The following CFAP44 variants were observed in gnomAD, a reference collection of about 807,000 sequenced individuals.
CFAP44 encodes cilia and flagella associated protein 44.
A neutral mutation model predicts 216.2 loss-of-function variants in CFAP44; 134 were observed. The ratio of observed to expected loss-of-function variants is 0.62; its 90% CI spans 0.54 to 0.72. CFAP44 has a LOEUF of 0.72. Ranked by LOEUF, CFAP44 falls within the 30% of genes least tolerant of loss-of-function variation. The pLI is 0.00. For missense variants in CFAP44, 2,035 were observed against 2,182.1 expected (o/e 0.93, Z 1.34); for synonymous variants, 700 against 727.6 (o/e 0.96, Z 0.61).
At chr3:113,396,130 C>A in intron 14 of CFAP44, among the ~76,000 whole-genome samples, 1 of 152,104 alleles carries the variant, frequency 6.6e-6, no homozygotes, top group East Asian at 1.9e-4. Flanking sequence ...CATATGCTCA[C>A]CTATTAGTGC....
chr3:113,426,135 A>C lies in CFAP44; in HGVS notation c.396T>G (p.Leu132=). 8 of 1,614,002 alleles carry C rather than the reference A, an allele frequency of 5.0e-6. No individual in the cohort carries two copies. The highest frequency in any genetic ancestry group is 6.8e-6 in the Non-Finnish European group (8 of 1,179,906). ...VTLDSNIPLD[L]LTLVHSFGYD... is the part of the protein sequence containing the mutation. Reference sequence around the variant, plus strand: ...GCCAGGGTGGATACACAAGTGTGAGAAGATCCAGTGGTATGTTTGAATCCA... The same window carrying C: ...GCCAGGGTGGATACACAAGTGTGAGCAGATCCAGTGGTATGTTTGAATCCA... The change falls in exon 4 of 35, where the codon CTT becomes CTG. Residue 132 remains leucine (L), a synonymous_variant. Coordinates refer to ENST00000393845, the MANE Select transcript of CFAP44 (RefSeq NM_001164496.2).
intron 15 of CFAP44, 150 bp from the exon 16 acceptor site, chr3:113,381,210 A>G (rs1933498982): frequency 4.5e-6 from 2 of 448,462 alleles, no homozygotes; most frequent in African/African-American, 2.0e-5. Context: ...TAAAAAGTCA[A>G]GTTTATTAAT....
chr3:113,310,193 G>A (rs1294599464), intron 28 of CFAP44, among the ~76,000 whole-genome samples: 1 of 152,148 alleles, frequency 6.6e-6, no homozygotes, highest in East Asian at 1.9e-4. Context: ...GATGCCTGTG[G>A]AGGCCATGTG....
intron 33 of CFAP44, among the ~76,000 whole-genome samples, chr3:113,296,517 T>A (rs1218422185): frequency 6.6e-6 from 1 of 152,176 alleles, no homozygotes; most frequent in African/African-American, 2.4e-5. Flanking sequence ...AACCTAGTGC[T>A]GGTGCTCTCA....
chr3:113,394,487 ATC>A (rs1933936664), intron 15 of CFAP44, among the ~76,000 whole-genome samples: 1 of 152,210 alleles, frequency 6.6e-6, no homozygotes. Flanking sequence ...ATCTGTAGCT[ATC>A]TCTTATTCAT....
At chr3:113,360,370 CT>C (rs1444899078) in intron 21 of CFAP44, 1 of 225,456 alleles carries the variant, frequency 4.4e-6, no homozygotes, top group East Asian at 1.1e-4. Flanking sequence ...TACTATATGT[CT>C]GAGTATTTGA....
At chr3:113,370,002 C>T (rs1049463409) in intron 18 of CFAP44, among the ~76,000 whole-genome samples, 5 of 152,124 alleles carry the variant, frequency 3.3e-5, no homozygotes, top group East Asian at 1.9e-4. Flanking sequence ...AATTTCTGGA[C>T]ACATACACCC....
chr3:113,364,050 C>T (rs1251971006), intron 19 of CFAP44, among the ~76,000 whole-genome samples: 1 of 152,086 alleles, frequency 6.6e-6, no homozygotes, highest in Non-Finnish European at 1.5e-5. Context: ...TATAATCCCC[C>T]TCCTTGAAAG....
At chr3:113,306,383 A>G in intron 29 of CFAP44, 52 bp from the exon 30 acceptor site, 1 of 1,520,304 alleles carries the variant, frequency 6.6e-7, no homozygotes, top group Non-Finnish European at 8.8e-7. Flanking sequence ...GGAATGTGGT[A>G]GTACTAAAAT....
intron 32 of CFAP44, among the ~76,000 whole-genome samples, chr3:113,300,936 T>C (rs990284309): frequency 1.3e-5 from 2 of 152,138 alleles, no homozygotes; most frequent in Non-Finnish European, 2.9e-5. Context: ...TGGAAGATAA[T>C]TTAACATTTT....
At chr3:113,420,430 T>C (rs1218910362) in intron 4 of CFAP44, among the ~76,000 whole-genome samples, 1 of 152,202 alleles carries the variant, frequency 6.6e-6, no homozygotes, top group African/African-American at 2.4e-5. Flanking sequence ...ACTATCCCCA[T>C]ACTCTGATTT....
chr3:113,344,442 G>A lies in CFAP44; in HGVS notation c.3262+74C>T. ...CTCAAGCCACCAAAGAAGGTTCAAT[G>A]GTTCTGTCCACAGACAATTCACTTT... On this transcript the variant is annotated intron_variant, in intron 23 of 34. Transcript: ENST00000393845. 5 of 1,312,142 alleles carry A rather than the reference G, an allele frequency of 3.8e-6. No individual in the cohort carries two copies. In the South Asian group the frequency reaches 5.4e-5, roughly 14 times the overall value. The allele number at this position is 1,312,142 out of a possible 1,614,324, so 81.3% of individuals were successfully genotyped here. A position where few individuals can be genotyped will look rare whatever the true frequency, so the allele number is the denominator to read the frequency against.
At chr3:113,366,330 A>C in intron 18 of CFAP44, 21 bp from the exon 19 acceptor site, 1 of 1,587,804 alleles carries the variant, frequency 6.3e-7, no homozygotes, top group Non-Finnish European at 8.6e-7. Flanking sequence ...AAAAATGTAA[A>C]TTGTTCTTCC....
At chr3:113,386,283 T>C (rs1933647852) in intron 15 of CFAP44, among the ~76,000 whole-genome samples, 1 of 152,182 alleles carries the variant, frequency 6.6e-6, no homozygotes, top group East Asian at 1.9e-4. Context: ...TTCAACCAAG[T>C]TGGGTCTTAT....
chr3:113,370,607 AACTC>A (rs1202996411), intron 18 of CFAP44, among the ~76,000 whole-genome samples: 1 of 152,210 alleles, frequency 6.6e-6, no homozygotes, highest in Non-Finnish European at 1.5e-5. Flanking sequence ...ATTTATGACA[AACTC>A]ACAGCCAATA....
At chr3:113,336,131 G>A (rs894373398) in intron 24 of CFAP44, among the ~76,000 whole-genome samples, 5 of 152,062 alleles carry the variant, frequency 3.3e-5, no homozygotes, top group African/African-American at 1.2e-4. Flanking sequence ...TAGAATCAAA[G>A]CTTATACACA....
chr3:113,343,423 A>C (rs60697865), intron 23 of CFAP44, among the ~76,000 whole-genome samples: 4,390 of 152,298 alleles, frequency 0.029, 108 homozygotes, highest in East Asian at 0.1. Flanking sequence ...AGACATGAAA[A>C]ATTAAATAAT....
Position 113,294,634 on chromosome 3 carries a change from C to T in CFAP44, c.5373+53G>A, listed in dbSNP as rs951131697. ...ACTTAACATTCTTGTGAATAGCTACCTTTGACAGAGCTTCCTCAATTCCGA... is the reference window on the plus strand; with the variant it reads ...ACTTAACATTCTTGTGAATAGCTACTTTTGACAGAGCTTCCTCAATTCCGA... On this transcript the variant is annotated intron_variant, in intron 34 of 34. Transcript: ENST00000393845. 34 of 1,471,148 alleles carry T rather than the reference C, an allele frequency of 2.3e-5. 1 individual carries two copies. In the African/African-American group the frequency reaches 4.6e-4, roughly 20 times the overall value. 91.1% of individuals were successfully genotyped at this position (1,471,148 alleles called of 1,614,324 possible). A position where few individuals can be genotyped will look rare whatever the true frequency, so the allele number is the denominator to read the frequency against.
intron 22 of CFAP44, among the ~76,000 whole-genome samples, chr3:113,348,983 A>T (rs1950415721): frequency 6.6e-6 from 1 of 152,212 alleles, no homozygotes; most frequent in African/African-American, 2.4e-5. Context: ...AAATGATAGA[A>T]TGACAGCCGA....
Sources: allele counts gnomAD v4.1 joint callset (sites outside exome capture counted in the v4.1 genomes callset), GRCh38; gene constraint gnomAD v4.1.1; transcripts MANE v1.5; gene names NCBI Gene and HGNC (gene_info 2026-07-23, HGNC 2026-07-21).